The following CACNB4 variants were observed in gnomAD, a reference collection of about 807,000 sequenced individuals.
CACNB4 encodes the protein calcium voltage-gated channel auxiliary subunit beta 4.
In CACNB4, 32 loss-of-function variants were observed where a neutral mutation model predicts 71.2. The observed-to-expected ratio is 0.45, with a 90% CI of 0.34 to 0.60. CACNB4 has a LOEUF of 0.60. CACNB4 is among the 20% of genes least tolerant of loss of function. The probability of loss-of-function intolerance (pLI) is 0.01; values close to 1 mark genes in which losing one functional copy is unlikely to be tolerated. For missense variants in CACNB4, 464 were observed against 647.9 expected, an observed-to-expected ratio of 0.72 and a Z score of 3.08; for synonymous variants, 231 against 236.9, an observed-to-expected ratio of 0.97 and a Z score of 0.23.
chr2:152,070,964 G>A (rs571498234), intron 2 of CACNB4, among the ~76,000 whole-genome samples: 2 of 152,228 alleles, frequency 1.3e-5, no homozygotes, highest in Non-Finnish European at 1.5e-5. Context: ...ACAGGGTTTC[G>A]CCATGTTGGC....
At chr2:151,880,974 T>C in intron 3 of CACNB4, 52 bp from the exon 4 acceptor site, 4 of 1,522,136 alleles carry the variant, frequency 2.6e-6, no homozygotes, top group Non-Finnish European at 3.5e-6. Context: ...GAGAGGAGCA[T>C]TTTTCATATT....
chr2:151,969,421 T>A (rs543696673), intron 2 of CACNB4: 2 of 152,374 alleles, frequency 1.3e-5, no homozygotes, highest in South Asian at 4.1e-4. Context: ...TATATCTTCA[T>A]ATTTAAAATA....
At chr2:151,895,507 T>C (rs1034769231) in intron 2 of CACNB4, among the ~76,000 whole-genome samples, 7 of 151,934 alleles carry the variant, frequency 4.6e-5, no homozygotes, top group Admixed American at 3.3e-4. Flanking sequence ...TGAGAATCTA[T>C]TATGCATCAA....
At chr2:151,944,236 C>T (rs113760736) in intron 2 of CACNB4, among the ~76,000 whole-genome samples, 13,230 of 151,878 alleles carry the variant, frequency 0.087, 1,492 homozygotes, top group East Asian at 0.54. Context: ...GATGGAGTTT[C>T]GCTTTGTTGC....
intron 2 of CACNB4, among the ~76,000 whole-genome samples, chr2:152,056,033 A>C (rs569928909): frequency 6.6e-6 from 1 of 152,286 alleles, no homozygotes; most frequent in South Asian, 2.1e-4. Context: ...TGGTTATACC[A>C]ATTGGTTCAT....
At chr2:152,063,327 A>G (rs1380041787) in intron 2 of CACNB4, among the ~76,000 whole-genome samples, 1 of 152,220 alleles carries the variant, frequency 6.6e-6, no homozygotes, top group Non-Finnish European at 1.5e-5. Context: ...ACTATGTGCC[A>G]AGCAATGTTA....
At chr2:152,045,887 GA>G (rs909798686) in intron 2 of CACNB4, among the ~76,000 whole-genome samples, 9 of 152,290 alleles carry the variant, frequency 5.9e-5, no homozygotes, top group African/African-American at 2.2e-4. Flanking sequence ...CAGTTGGAAA[GA>G]TTTTTTTAGA....
At chr2:152,079,370 G>A (rs1304799055) in intron 2 of CACNB4, among the ~76,000 whole-genome samples, 1 of 152,032 alleles carries the variant, frequency 6.6e-6, no homozygotes, top group South Asian at 2.1e-4. Flanking sequence ...TTACAGGCGT[G>A]AGCCACCACG....
At chr2:151,900,991 C>CTTTTTTTTT (rs869114252) in intron 2 of CACNB4, among the ~76,000 whole-genome samples, 2 of 9,030 alleles carry the variant, frequency 2.2e-4, no homozygotes, top group African/African-American at 5.3e-4. Flanking sequence ...TTCTTTCTTT[C>CTTTTTTTTT]TTTTTTTTTT....
chr2:151,966,135 T>G (rs1164769956), intron 2 of CACNB4, among the ~76,000 whole-genome samples: 1 of 152,230 alleles, frequency 6.6e-6, no homozygotes, highest in African/African-American at 2.4e-5. Flanking sequence ...TAGAAAATGA[T>G]CTACTCAAAT....
chr2:152,056,566 C>T (rs937636530), intron 2 of CACNB4, among the ~76,000 whole-genome samples: 2 of 152,174 alleles, frequency 1.3e-5, no homozygotes, highest in Admixed American at 1.3e-4. Context: ...AAGACCTAGA[C>T]ATGCCACCCC....
chr2:151,858,089 G>T (rs978198730), intron 10 of CACNB4: 1 of 152,156 alleles, frequency 6.6e-6, no homozygotes, highest in African/African-American at 2.4e-5. Flanking sequence ...TAAAGAAAAA[G>T]ATCTCAACCA....
rs11347936 is a variant in CACNB4, at chr2:151,904,538, C to CT, written c.148-21169dup. 1.4e-3 allele frequency among the ~76,000 whole-genome samples: 184 copies of CT among 127,586 alleles called. 1 individual carries two copies. In the East Asian group the frequency reaches 0.02, roughly 14 times the overall value. The allele number at this position is 127,586 out of a possible 152,430, so 83.7% of individuals were successfully genotyped here. A position where few individuals can be genotyped will look rare whatever the true frequency, so the allele number is the denominator to read the frequency against. The stretch of plus-strand genomic sequence containing the variant: ...AAGACAGTAACAATTAGAGATAACT[C>CT]TTTTTTTTTTTTTTTTGAGACGGAG... On this transcript the variant is annotated intron_variant, in intron 2 of 13. Coordinates refer to ENST00000539935, the MANE Select transcript of CACNB4 (RefSeq NM_000726.5).
intron 2 of CACNB4, among the ~76,000 whole-genome samples, chr2:152,050,295 T>A (rs774897914): frequency 6.6e-6 from 1 of 152,186 alleles, no homozygotes; most frequent in South Asian, 2.1e-4. Flanking sequence ...CATCTGCTAT[T>A]GATGAAGCGG....
intron 2 of CACNB4, among the ~76,000 whole-genome samples, chr2:152,089,254 A>G (rs763087999): frequency 6.6e-6 from 1 of 152,208 alleles, no homozygotes; most frequent in Non-Finnish European, 1.5e-5. Context: ...TGCTTCAACC[A>G]GAGTGTGTTT....
intron 8 of CACNB4, 41 bp from the exon 9 acceptor site, chr2:151,869,276 C>CAGAG: frequency 1.7e-6 from 2 of 1,162,504 alleles, no homozygotes; most frequent in Non-Finnish European, 2.5e-6. Flanking sequence ...CAAACACATG[C>CAGAG]AGAGAGAGAG....
intron 2 of CACNB4, among the ~76,000 whole-genome samples, chr2:151,895,828 AC>A (rs202227729): frequency 0.01 from 1,427 of 142,602 alleles, 17 homozygotes; most frequent in African/African-American, 0.035. Context: ...AGTGTTAAGT[AC>A]TTTTATTAAT....
intron 2 of CACNB4, among the ~76,000 whole-genome samples, chr2:151,966,920 T>C (rs2099871267): frequency 6.6e-6 from 1 of 151,996 alleles, no homozygotes; most frequent in Non-Finnish European, 1.5e-5. Flanking sequence ...GTAAGTTCTA[T>C]CATTATTGAC....
intron 2 of CACNB4, among the ~76,000 whole-genome samples, chr2:152,050,193 G>C (rs911775856): frequency 6.6e-6 from 1 of 152,176 alleles, no homozygotes; most frequent in African/African-American, 2.4e-5. Context: ...ACGTAAAGAC[G>C]AGGAAAGAAA....
Sources: gnomAD v4.1 joint callset for allele counts (sites outside exome capture counted in the v4.1 genomes callset) on GRCh38, gnomAD v4.1.1 for gene constraint, MANE v1.5 for transcripts, NCBI Gene and HGNC (gene_info 2026-07-23, HGNC 2026-07-21) for gene names.